Variants in MRPL45 observed in about 807,000 individuals in gnomAD.
MRPL45 encodes large ribosomal subunit protein mL45.
MRPL45 carries 20 observed loss-of-function variants against 38.1 expected under a neutral mutation model. That is an observed-to-expected ratio of 0.53 (90% confidence interval 0.37 to 0.76). The LOEUF is 0.76. Ranked by LOEUF, MRPL45 falls within the 30% of genes least tolerant of loss-of-function variation. The pLI, the probability that MRPL45 is intolerant of heterozygous loss-of-function variation, is 0.00. For synonymous variants in MRPL45, 105 were observed against 128.8 expected, an observed-to-expected ratio of 0.82 and a Z score of 1.25; for missense variants, 337 against 395.6, an observed-to-expected ratio of 0.85 and a Z score of 1.26.
rs146366403 is a variant in MRPL45, at chr17:38,314,943, A to G, written c.462-3744A>G. Among the ~76,000 whole-genome samples, 75 of 152,310 alleles carry G rather than the reference A, an allele frequency of 4.9e-4. No homozygotes were observed. In the East Asian group the frequency reaches 0.014, roughly 29 times the overall value. ...TAATATACAAACGCTCTGCTCCTATATGTCTCTCCCTCCCACTTCATTATG... is the reference window on the plus strand; with the variant it reads ...TAATATACAAACGCTCTGCTCCTATGTGTCTCTCCCTCCCACTTCATTATG... On this transcript the variant is annotated intron_variant, in intron 4 of 7. Coordinates refer to ENST00000613675, the MANE Select transcript of MRPL45 (RefSeq NM_032351.6).
At position 38,316,737 on chromosome 17, in the gene MRPL45, C is replaced by CA. The variant is rs61383463; in HGVS notation, c.462-1923dup. Among the ~76,000 whole-genome samples, 165 of 61,236 alleles carry CA rather than the reference C, an allele frequency of 2.7e-3. 5 individuals are homozygous for CA. Among genetic ancestry groups the CA allele is most frequent in the African/African-American group, 6.3e-3 (127 of 20,084 alleles). 40.2% of individuals were successfully genotyped at this position (61,236 alleles called of 152,430 possible). ...CAGGCTGGAGGGCAGTGGTGCAATC[C>CA]AAAAAAAAAAAAAAAAAAAAAAAAA... On this transcript the variant is annotated intron_variant, in intron 4 of 7. Coordinates refer to ENST00000613675, the MANE Select transcript of MRPL45 (RefSeq NM_032351.6).
chr17:38,321,710 G>T (rs769396496), intron 6 of MRPL45, among the ~76,000 whole-genome samples: 7 of 150,450 alleles, frequency 4.7e-5, no homozygotes, highest in Non-Finnish European at 7.4e-5. Context: ...AATTTAAAAA[G>T]ATTTTTCTTA....
At chr17:38,301,279 T>C (rs2036992765) in intron 3 of MRPL45, among the ~76,000 whole-genome samples, 1 of 152,154 alleles carries the variant, frequency 6.6e-6, no homozygotes, top group Non-Finnish European at 1.5e-5. Flanking sequence ...TTTACTCTTG[T>C]TGCCCAGGCT....
At position 38,309,309 on chromosome 17, in the gene MRPL45, G is replaced by A. The variant is rs1597649960; in HGVS notation, c.461+2678G>A. Among the ~76,000 whole-genome samples the A allele has an allele frequency of 2.0e-5, 3 of 148,560 alleles. 1 individual carries two copies. The Admixed American group carries it at 2.0e-4, about 10-fold the overall frequency. On this transcript the variant is annotated intron_variant, in intron 4 of 7. Transcript: ENST00000613675. Reference sequence around the variant, plus strand: ...AGACTGGTGGATCACAAGGTCAGGAGTTCGAAACCAGCCTGGCCAATGTGG... The same window carrying A: ...AGACTGGTGGATCACAAGGTCAGGAATTCGAAACCAGCCTGGCCAATGTGG...
chr17:38,305,954 T>C (rs2037049729), intron 3 of MRPL45, among the ~76,000 whole-genome samples: 1 of 151,928 alleles, frequency 6.6e-6, no homozygotes, highest in Non-Finnish European at 1.5e-5. Flanking sequence ...ATTTTGACTC[T>C]TGAGCATTTG....
chr17:38,321,874 C>T (rs2037233263), intron 6 of MRPL45, among the ~76,000 whole-genome samples: 1 of 150,402 alleles, frequency 6.6e-6, no homozygotes, highest in African/African-American at 2.5e-5. Flanking sequence ...CTAAAAAAGA[C>T]AAAAAAAATC....
chr17:38,313,268 C>CTAT (rs2037131726), intron 4 of MRPL45, among the ~76,000 whole-genome samples: 1 of 138,706 alleles, frequency 7.2e-6, no homozygotes, highest in Non-Finnish European at 1.5e-5. Flanking sequence ...CAGGCGTGAG[C>CTAT]TATTGCGCCT....
At chr17:38,316,263 A>AT (rs946278452) in intron 4 of MRPL45, among the ~76,000 whole-genome samples, 2 of 151,964 alleles carry the variant, frequency 1.3e-5, no homozygotes, top group African/African-American at 4.8e-5. Flanking sequence ...AAGTTCACTG[A>AT]TACTTTGCCT....
At chr17:38,313,371 T>C (rs1209475118) in intron 4 of MRPL45, among the ~76,000 whole-genome samples, 1 of 18,090 alleles carries the variant, frequency 5.5e-5, no homozygotes, top group African/African-American at 2.1e-4. Context: ...TATATACGTA[T>C]ATATATATAT....
chr17:38,318,640 G>GTATT, intron 4 of MRPL45, 47 bp from the exon 5 acceptor site: 2 of 1,360,448 alleles, frequency 1.5e-6, no homozygotes, highest in African/African-American at 1.5e-5. Flanking sequence ...TTCATACAGG[G>GTATT]TATTATAAGA....
chr17:38,313,112 G>A (rs1212511971), intron 4 of MRPL45, among the ~76,000 whole-genome samples: 1 of 148,922 alleles, frequency 6.7e-6, no homozygotes, highest in Non-Finnish European at 1.5e-5. Flanking sequence ...AGCCTCCCGG[G>A]TAGCTGGAAC....
chr17:38,309,759 A>G (rs1358279938), intron 4 of MRPL45, among the ~76,000 whole-genome samples: 1 of 151,640 alleles, frequency 6.6e-6, no homozygotes, highest in Non-Finnish European at 1.5e-5. Flanking sequence ...ACACTGGGCC[A>G]TGTGTGTGTC....
chr17:38,316,679 G>A (rs1451544768), intron 4 of MRPL45, among the ~76,000 whole-genome samples: 2 of 133,766 alleles, frequency 1.5e-5, no homozygotes, highest in Admixed American at 1.8e-4. Flanking sequence ...GTGGTGGCGT[G>A]CACCTGTAGT....
chr17:38,318,588 G>T, intron 4 of MRPL45, 99 bp from the exon 5 acceptor site: 1 of 885,088 alleles, frequency 1.1e-6, no homozygotes, highest in Non-Finnish European at 1.9e-6. Flanking sequence ...GAAAACATTT[G>T]TAAAAATGAA....
chr17:38,298,101 T>C (rs1442463393), intron 1 of MRPL45, among the ~76,000 whole-genome samples: 1 of 152,080 alleles, frequency 6.6e-6, no homozygotes, highest in Non-Finnish European at 1.5e-5. Context: ...TAATAAAGAA[T>C]AGTATTCTGC....
chr17:38,301,220 T>C (rs2036992061), intron 3 of MRPL45, among the ~76,000 whole-genome samples: 1 of 152,122 alleles, frequency 6.6e-6, no homozygotes, highest in Admixed American at 6.6e-5. Flanking sequence ...TTGCCTGAAA[T>C]GTCTTTTTCC....
rs62073363 is a variant in MRPL45 at position 38,319,878 on chromosome 17, G to A, written c.511-740G>A. On this transcript the variant is annotated intron_variant, in intron 5 of 7. Coordinates refer to ENST00000613675, the MANE Select transcript of MRPL45 (RefSeq NM_032351.6). ...AGCGCTTTGGGAGGCCGAGGCGGGCGGATCACGAGGTCAGGAGATCAAGAC... is the reference window on the plus strand; with the variant it reads ...AGCGCTTTGGGAGGCCGAGGCGGGCAGATCACGAGGTCAGGAGATCAAGAC... Among the ~76,000 whole-genome samples, 1,021 of 152,218 alleles carry A rather than the reference G, an allele frequency of 6.7e-3. 15 individuals carry two copies. Among genetic ancestry groups the A allele is most frequent in the Non-Finnish European group, 7.1e-3 (486 of 68,002 alleles).
chr17:38,312,687 T>G (rs1409338852), intron 4 of MRPL45, among the ~76,000 whole-genome samples: 1 of 152,000 alleles, frequency 6.6e-6, no homozygotes, highest in Non-Finnish European at 1.5e-5. Flanking sequence ...TATAAAAAAT[T>G]TAAAAAATCA....
intron 3 of MRPL45, among the ~76,000 whole-genome samples, chr17:38,300,719 G>T (rs1297677669): frequency 3.3e-5 from 5 of 152,076 alleles, no homozygotes; most frequent in Non-Finnish European, 7.3e-5. Flanking sequence ...GGCTGAGGTG[G>T]GCGGATCACC....
Sources: allele counts gnomAD v4.1 joint callset (sites outside exome capture counted in the v4.1 genomes callset), GRCh38; gene constraint gnomAD v4.1.1; transcripts MANE v1.5; gene names NCBI Gene and HGNC (gene_info 2026-07-23, HGNC 2026-07-21).